SIAE: variants seen among roughly 807,000 people sequenced by gnomAD.
SIAE encodes sialic acid acetylesterase.
Under a neutral mutation model 52.6 loss-of-function variants are expected in SIAE, and 39 were observed. That is an observed-to-expected ratio of 0.74 (90% CI 0.57 to 0.97). The LOEUF (loss-of-function observed/expected upper bound fraction) is 0.97, where lower values mean the gene tolerates loss of function less well. Ranked by LOEUF, SIAE falls within the 50% of genes least tolerant of loss-of-function variation. The pLI is 0.00. For missense variants in SIAE, 592 were observed against 662.1 expected (o/e 0.89, Z 1.16); for synonymous variants, 233 against 241.4 (o/e 0.97, Z 0.32).
Position 124,638,714 on chromosome 11 carries a change from G to A in SIAE, c.1148C>T (p.Thr383Ile), listed in dbSNP as rs1402040354. Residue 383 changes from threonine (T) to isoleucine (I), a missense_variant, in exon 9 of 10, where the codon ACT (threonine) becomes ATT (isoleucine). Transcript: ENST00000263593. ...FGSIHPRDKQ[T>I]VAYRLHLGAR... ...CCCCAAATGCAGCCGATAAGCCACA[G>A]TCTGTTTATCTCGAGGGTGGATGCT... The A allele has an allele frequency of 3.1e-6, 5 of 1,614,010 alleles. No homozygotes were observed. Among genetic ancestry groups the A allele is most frequent in the South Asian group, 2.2e-5 (2 of 91,078 alleles).
chr11:124,660,946 G>A lies in SIAE; in HGVS notation c.230-143C>T, dbSNP rs531206524. 3.6e-4 allele frequency: 313 copies of A among 859,562 alleles called. 1 individual carries two copies. In the African/African-American group the frequency reaches 4.1e-3, roughly 11 times the overall value. The allele number at this position is 859,562 out of a possible 1,614,324, so 53.2% of individuals were successfully genotyped here. ...AAGATTGGCCAAATTTCAGATAAGA[G>A]GATAGAACTAACACGAGCAGCAGCA... On this transcript the variant is annotated intron_variant, in intron 2 of 9. Coordinates refer to ENST00000263593, the MANE Select transcript of SIAE (RefSeq NM_170601.5).
chr11:124,638,869 G>T, intron 8 of SIAE, 132 bp from the exon 9 acceptor site: 1 of 722,354 alleles, frequency 1.4e-6, no homozygotes, highest in Non-Finnish European at 2.4e-6. Context: ...GTGATCAGTG[G>T]CTAGTCAGCT....
intron 4 of SIAE, among the ~76,000 whole-genome samples, chr11:124,652,562 G>A (rs1192100495): frequency 6.6e-6 from 1 of 151,698 alleles, no homozygotes; most frequent in Non-Finnish European, 1.5e-5. Flanking sequence ...GGCGTGGTGG[G>A]GCACACCTGT....
rs1290619482 is a variant in SIAE at position 124,645,974 on chromosome 11, G to A, written c.966+1391C>T. On this transcript the variant is annotated intron_variant, in intron 7 of 9. Transcript: ENST00000263593. The surrounding 1 kb of genome is among the most constrained non-coding windows in gnomAD (Gnocchi z 4.7). The stretch of plus-strand genomic sequence containing the variant: ...TGGTGAGAAGTCATCTGTGGGGCGT[G>A]CGGAGGTGGTGTCTGGGACCATGGA... Among the ~76,000 whole-genome samples, 2 of 152,192 alleles carry A rather than the reference G, an allele frequency of 1.3e-5. No homozygotes were observed. The highest frequency in any genetic ancestry group is 2.9e-5 in the Non-Finnish European group (2 of 68,018).
At chr11:124,638,453 C>G (rs573442936) in intron 9 of SIAE, 89 bp downstream of exon 9, 4 of 1,413,354 alleles carry the variant, frequency 2.8e-6, no homozygotes, top group East Asian at 2.3e-5. Flanking sequence ...CCCGCCACAT[C>G]GTAATAACAA....
rs1323729312 is a variant in SIAE at position 124,638,690 on chromosome 11, C to A, written c.1172G>T (p.Gly391Val). ...CTCACCATAAGCCAGAGCACGGGCC[C>A]CCAAATGCAGCCGATAAGCCACAGT... ...KQTVAYRLHL[G>V]ARALAYGEKN... Residue 391 changes from glycine to valine, a missense_variant, in exon 9 of 10, where the codon GGG becomes GTG. Transcript: ENST00000263593. 1 of 1,614,094 alleles carries A rather than the reference C, an allele frequency of 6.2e-7. No individual in the cohort carries two copies. Among genetic ancestry groups the A allele is most frequent in the Non-Finnish European group, 8.5e-7 (1 of 1,180,010 alleles).
At chr11:124,649,887 G>T in intron 4 of SIAE, 91 bp from the exon 5 acceptor site, 3 of 1,198,626 alleles carry the variant, frequency 2.5e-6, no homozygotes, top group Non-Finnish European at 2.4e-6. Context: ...GAGAAGGGTG[G>T]GCAGAGGTCA....
rs1942712279 is a variant in SIAE at position 124,635,597 on chromosome 11, T to C, written c.*1354A>G. 6.6e-6 allele frequency: 1 copy of C among 152,198 alleles called. No individual in the cohort carries two copies. Among genetic ancestry groups the C allele is most frequent in the Admixed American group, 6.5e-5 (1 of 15,284 alleles). The allele number at this position is 152,198 out of a possible 1,614,324, so 9.4% of individuals were successfully genotyped here. Reference sequence around the variant, plus strand: ...CCACTAAAAATAAATTTACATATGATTTCATTAATATATTCACTATCTAAA... The same window carrying C: ...CCACTAAAAATAAATTTACATATGACTTCATTAATATATTCACTATCTAAA... On this transcript the variant is annotated 3_prime_UTR_variant, in exon 10 of 10. Coordinates refer to ENST00000263593, the MANE Select transcript of SIAE (RefSeq NM_170601.5).
intron 3 of SIAE, among the ~76,000 whole-genome samples, chr11:124,656,229 T>G (rs1043766876): frequency 6.6e-6 from 1 of 152,230 alleles, no homozygotes; most frequent in Non-Finnish European, 1.5e-5. Flanking sequence ...TTTTTCAATG[T>G]GTATTATTTA....
chr11:124,634,874 G>A lies in SIAE; in HGVS notation c.*2077C>T, dbSNP rs937803074. On this transcript the variant is annotated 3_prime_UTR_variant, in exon 10 of 10. Coordinates refer to ENST00000263593, the MANE Select transcript of SIAE (RefSeq NM_170601.5). ...TAGTGTTTCTCTGAATGATGAATTT[G>A]GGGGTGATTTTTACTTGCTTATACT... 1 of 152,150 alleles carries A rather than the reference G, an allele frequency of 6.6e-6. No homozygotes were observed. The highest frequency in any genetic ancestry group is 1.5e-5 in the Non-Finnish European group (1 of 68,012). The allele number at this position is 152,150 out of a possible 1,614,324, so 9.4% of individuals were successfully genotyped here.
intron 4 of SIAE, among the ~76,000 whole-genome samples, chr11:124,652,364 A>T (rs1392204896): frequency 6.6e-6 from 1 of 151,778 alleles, no homozygotes; most frequent in African/African-American, 2.4e-5. Context: ...AAATCAGAAA[A>T]CCTTTCCCAG....
intron 2 of SIAE, among the ~76,000 whole-genome samples, chr11:124,664,248 T>C (rs1313656217): frequency 2.0e-5 from 3 of 151,970 alleles, no homozygotes; most frequent in Non-Finnish European, 4.4e-5. Context: ...TTTTTTTTTT[T>C]TTGAGACAGA....
intron 7 of SIAE, 30 bp downstream of exon 7, chr11:124,647,335 T>G: frequency 6.2e-7 from 1 of 1,614,006 alleles, no homozygotes; most frequent in South Asian, 1.1e-5. Flanking sequence ...GGTGTTGACA[T>G]GAACAGAGAA....
At chr11:124,637,873 T>G (rs1438299064) in intron 9 of SIAE, among the ~76,000 whole-genome samples, 2 of 152,180 alleles carry the variant, frequency 1.3e-5, no homozygotes, top group Non-Finnish European at 2.9e-5. Flanking sequence ...GCCTTTAATA[T>G]TCTTTTCTCT....
Position 124,633,736 on chromosome 11 carries a change from A to G in SIAE, c.*3215T>C, listed in dbSNP as rs1942660282. On this transcript the variant is annotated 3_prime_UTR_variant, in exon 10 of 10. Coordinates refer to ENST00000263593, the MANE Select transcript of SIAE (RefSeq NM_170601.5). ...AGCAAATCGGGAAGGGGACTGCTTA[A>G]AATGTTAATGCAGTGTTTTTCTTTT... 6.6e-6 allele frequency: 1 copy of G among 152,258 alleles called. No individual in the cohort carries two copies. Among genetic ancestry groups the G allele is most frequent in the Non-Finnish European group, 1.5e-5 (1 of 68,052 alleles). The allele number at this position is 152,258 out of a possible 1,614,324, so 9.4% of individuals were successfully genotyped here.
At chr11:124,648,210 G>T in intron 5 of SIAE, 35 bp from the exon 6 acceptor site, 1 of 1,525,806 alleles carries the variant, frequency 6.6e-7, no homozygotes. Context: ...TCACCAGAGA[G>T]CCAGTGATTG....
intron 3 of SIAE, among the ~76,000 whole-genome samples, chr11:124,658,240 GCA>G (rs10643725): frequency 2.6e-3 from 370 of 145,002 alleles, no homozygotes; most frequent in South Asian, 4.2e-3. Context: ...GTGTGTCTGT[GCA>G]CACACACACA....
chr11:124,642,858 T>C (rs1380717149), intron 7 of SIAE, among the ~76,000 whole-genome samples: 1 of 152,160 alleles, frequency 6.6e-6, no homozygotes, highest in East Asian at 1.9e-4. Context: ...AAAGAGGGTC[T>C]AGAAGCCAGG....
At chr11:124,660,474 T>C (rs1384376635) in intron 3 of SIAE, 154 bp downstream of exon 3, 3 of 754,050 alleles carry the variant, frequency 4.0e-6, no homozygotes, top group Non-Finnish European at 7.0e-6. Context: ...TAAGTCAAAT[T>C]AATGAATTCA....
Sources: gnomAD v4.1 joint callset for allele counts (sites outside exome capture counted in the v4.1 genomes callset) on GRCh38, gnomAD v4.1.1 for gene constraint, Gnocchi (gnomAD v3.1) non-coding constraint, MANE v1.5 for transcripts, NCBI Gene and HGNC (gene_info 2026-07-23, HGNC 2026-07-21) for gene names.